Variants in WDR55 observed in about 807,000 individuals in gnomAD.
WDR55 encodes WD repeat-containing protein 55.
Under a neutral mutation model 34.0 loss-of-function variants are expected in WDR55, and 31 were observed. The ratio of observed to expected loss-of-function variants is 0.91; its 90% CI spans 0.69 to 1.23. WDR55 has a LOEUF of 1.23. WDR55 is among the 50% of genes most tolerant of loss of function. The probability of loss-of-function intolerance (pLI) is 0.00; values close to 1 mark genes in which losing one functional copy is unlikely to be tolerated. For missense variants in WDR55, 440 were observed against 494.6 expected (o/e 0.89, Z 1.05); for synonymous variants, 164 against 185.9 (o/e 0.88, Z 0.96).
At position 140,665,032 on chromosome 5, in the gene WDR55, G is replaced by A. The variant is rs779622808; in HGVS notation, c.120G>A (p.Pro40=). 2.5e-6 allele frequency: 4 copies of A among 1,613,860 alleles called. No homozygotes were observed. Among genetic ancestry groups the A allele is most frequent in the East Asian group, 2.2e-5 (1 of 44,858 alleles). ...CGGAAGACATCGTGCTGGAAGCTCCGGCTAGTGGGCTGGCGTTCCATCCGG... is the reference window on the plus strand; with the variant it reads ...CGGAAGACATCGTGCTGGAAGCTCCAGCTAGTGGGCTGGCGTTCCATCCGG... ...DTPEDIVLEA[P]ASGLAFHPAR... is the part of the protein sequence containing the mutation. Residue 40 remains proline, a synonymous_variant, in exon 1 of 7, where the codon CCG becomes CCA. Coordinates refer to ENST00000358337, the MANE Select transcript of WDR55 (RefSeq NM_017706.5).
rs1472234907 is a variant in WDR55 at position 140,669,653 on chromosome 5, G to A, written c.1151G>A (p.Ter384=). ...EKEETGDDSD[*] Reference sequence around the variant, plus strand: ...GAGGAGACTGGGGATGACAGTGACTGAAGGAATGAATTGAATCTTGAGACG... The same window carrying A: ...GAGGAGACTGGGGATGACAGTGACTAAAGGAATGAATTGAATCTTGAGACG... Residue 384 remains the stop codon, a stop_retained_variant, in exon 7 of 7, where the codon TGA becomes TAA. Coordinates refer to ENST00000358337, the MANE Select transcript of WDR55 (RefSeq NM_017706.5). 1 of 1,611,066 alleles carries A rather than the reference G, an allele frequency of 6.2e-7. No homozygotes were observed.
chr5:140,664,958 G>A lies in WDR55; in HGVS notation c.46G>A (p.Glu16Lys), dbSNP rs1428562499. The change falls in exon 1 of 7, where the codon GAG becomes AAG. Residue 16 changes from glutamate (E) to lysine (K), a missense_variant. By Grantham distance (56) the Glu-to-Lys change is moderately conservative. Transcript: ENST00000358337. ...EERPAEDGSD[E>K]EDPDSMEAPT... ...GAGGCCCGCTGAGGATGGGAGCGAC[G>A]AGGAGGACCCAGACTCCATGGAAGC... 1.2e-6 allele frequency: 2 copies of A among 1,612,610 alleles called. No homozygotes were observed. Among genetic ancestry groups the A allele is most frequent in the East Asian group, 2.2e-5 (1 of 44,788 alleles).
At position 140,669,072 on chromosome 5, in the gene WDR55, C is replaced by T. The variant is rs1256382543; in HGVS notation, c.661-7C>T. Reference sequence around the variant, plus strand: ...GCTTCCACATTGTTTTCTCTATTTCCCTGCAGTGGGGGAAGAAGGTAGCCT... The same window carrying T: ...GCTTCCACATTGTTTTCTCTATTTCTCTGCAGTGGGGGAAGAAGGTAGCCT... On this transcript the variant is annotated splice_region_variant and splice_polypyrimidine_tract_variant and intron_variant, in intron 5 of 6. Coordinates refer to ENST00000358337, the MANE Select transcript of WDR55 (RefSeq NM_017706.5). The T allele has an allele frequency of 1.2e-6, 2 of 1,614,110 alleles. No individual in the cohort carries two copies. The highest frequency in any genetic ancestry group is 1.7e-6 in the Non-Finnish European group (2 of 1,180,006).
Position 140,669,209 on chromosome 5 carries a change from A to G in WDR55, c.791A>G (p.Glu264Gly), listed in dbSNP as rs764929975. Residue 264 changes from glutamate (E) to glycine (G), a missense_variant, in exon 6 of 7, where the codon GAG (glutamate) becomes GGG (glycine). Transcript: ENST00000358337. ...ESIDCMVPVT[E>G]SLLCTGSTDG... Reference sequence around the variant, plus strand: ...ATCGACTGCATGGTTCCAGTCACCGAGAGTCTGCTGTGTACTGGCTCCACT... The same window carrying G: ...ATCGACTGCATGGTTCCAGTCACCGGGAGTCTGCTGTGTACTGGCTCCACT... 6.8e-6 allele frequency: 11 copies of G among 1,613,596 alleles called. No individual in the cohort carries two copies. Among genetic ancestry groups the G allele is most frequent in the Admixed American group, 1.7e-5 (1 of 59,992 alleles).
At chr5:140,665,466 C>A (rs1401755809) in intron 1 of WDR55, among the ~76,000 whole-genome samples, 1 of 152,132 alleles carries the variant, frequency 6.6e-6, no homozygotes, top group African/African-American at 2.4e-5. Context: ...TCAAGCAGTT[C>A]TCTTCCTCAG....
At position 140,671,440 on chromosome 5, in the gene WDR55, G is replaced by A; in HGVS notation, c.*1786G>A. On this transcript the variant is annotated 3_prime_UTR_variant, in exon 7 of 7. Transcript: ENST00000358337. ...GGCCATCTAGGGTCAGCACAACCCA[G>A]ATGAGGCCGCTGAAGGGCACCGGAT... is the stretch of plus-strand genomic sequence containing the variant. 1 of 1,611,762 alleles carries A rather than the reference G, an allele frequency of 6.2e-7. No homozygotes were observed. Among genetic ancestry groups the A allele is most frequent in the South Asian group, 1.1e-5 (1 of 90,980 alleles).
chr5:140,672,317 C>A lies in WDR55; in HGVS notation c.*2663C>A. On this transcript the variant is annotated 3_prime_UTR_variant, in exon 7 of 7. Coordinates refer to ENST00000358337, the MANE Select transcript of WDR55 (RefSeq NM_017706.5). ...ATTGGAAGTTTTAAAAATCTGAGAT[C>A]AAATAGTAAAAGGTTGCAAATTCTG... The A allele has an allele frequency of 9.7e-7, 1 of 1,028,860 alleles. No homozygotes were observed. The highest frequency in any genetic ancestry group is 1.4e-6 in the Non-Finnish European group (1 of 709,780). 63.7% of individuals were successfully genotyped at this position (1,028,860 alleles called of 1,614,324 possible).
rs1215872366 is a variant in WDR55 at position 140,668,614 on chromosome 5, C to T, written c.383C>T (p.Ala128Val). The change falls in exon 4 of 7, where the codon GCC becomes GTC. Residue 128 changes from alanine to valine, a missense_variant and splice_region_variant. By Grantham distance (64) the Ala-to-Val change is moderately conservative (BLOSUM62 0). Transcript: ENST00000358337. ...AAGTTCTACATCTGTGTCTCTAGTG[C>T]CCCCATCAATAGTCTTCTGCTGGTG... ...LERRVSKAHG[A>V]PINSLLLVDE... 1 of 1,612,752 alleles carries T rather than the reference C, an allele frequency of 6.2e-7. No homozygotes were observed. Among genetic ancestry groups the T allele is most frequent in the Non-Finnish European group, 8.5e-7 (1 of 1,179,218 alleles).
Position 140,669,335 on chromosome 5 carries a change from C to T in WDR55, c.833C>T (p.Ala278Val), listed in dbSNP as rs776002489. The change falls in exon 7 of 7, where the codon GCT becomes GTT. Residue 278 changes from alanine to valine, a missense_variant and splice_region_variant. Ala to Val is a moderately conservative substitution (Grantham distance 64). Coordinates refer to ENST00000358337, the MANE Select transcript of WDR55 (RefSeq NM_017706.5). ...CTGSTDGVIR[A>V]VNILPNRVVG... ...AACACTGTTCTTTCCCTGCCCAGGGCTGTGAACATCCTACCGAACCGAGTG... is the reference window on the plus strand; with the variant it reads ...AACACTGTTCTTTCCCTGCCCAGGGTTGTGAACATCCTACCGAACCGAGTG... 109 of 1,610,398 alleles carry T rather than the reference C, an allele frequency of 6.8e-5. No individual in the cohort carries two copies. In the East Asian group the frequency reaches 2.4e-3, roughly 36 times the overall value.
chr5:140,666,740 T>G, intron 1 of WDR55: 1 of 985,220 alleles, frequency 1.0e-6, no homozygotes, highest in Non-Finnish European at 1.2e-6. Flanking sequence ...TTTATTCTAT[T>G]ATTGTGTACA....
Position 140,671,082 on chromosome 5 carries a change from C to T in WDR55, c.*1428C>T, listed in dbSNP as rs57919623. The T allele has an allele frequency of 3.8e-3, 2,471 of 642,468 alleles. 39 individuals are homozygous for T. In the African/African-American group the frequency reaches 0.041, roughly 11 times the overall value. 39.8% of individuals were successfully genotyped at this position (642,468 alleles called of 1,614,324 possible). A position where few individuals can be genotyped will look rare whatever the true frequency, so the allele number is the denominator to read the frequency against. On this transcript the variant is annotated 3_prime_UTR_variant, in exon 7 of 7. Transcript: ENST00000358337. ...GTCAGGTTGGACCCTGGGCTGGGAG[C>T]GGGAGGGCAAGGCCCCTCACCACAA...
chr5:140,671,182 A>T lies in WDR55; in HGVS notation c.*1528A>T, dbSNP rs1468556804. ...CAGGGAGGCTGATGGGCCTGGGCCC[A>T]TGCCCCTCCCCACCTTTGGGGGTCA... On this transcript the variant is annotated 3_prime_UTR_variant, in exon 7 of 7. Coordinates refer to ENST00000358337, the MANE Select transcript of WDR55 (RefSeq NM_017706.5). The T allele has an allele frequency of 1.4e-6, 2 of 1,408,774 alleles. No homozygotes were observed. Among genetic ancestry groups the T allele is most frequent in the Non-Finnish European group, 2.0e-6 (2 of 1,002,784 alleles). 87.3% of individuals were successfully genotyped at this position (1,408,774 alleles called of 1,614,324 possible). A position where few individuals can be genotyped will look rare whatever the true frequency, so the allele number is the denominator to read the frequency against.
At chr5:140,668,156 CTCTG>C (rs1757966912) in intron 1 of WDR55, 74 bp from the exon 2 acceptor site, 1 of 1,466,610 alleles carries the variant, frequency 6.8e-7, no homozygotes, top group East Asian at 2.3e-5. Context: ...GGGAAGGCTG[CTCTG>C]TCTAGTTGGT....
chr5:140,669,682 C>G lies in WDR55; in HGVS notation c.*28C>G. 6.3e-7 allele frequency: 1 copy of G among 1,587,638 alleles called. No homozygotes were observed. Among genetic ancestry groups the G allele is most frequent in the Non-Finnish European group, 8.6e-7 (1 of 1,163,376 alleles). ...GAATGAATTGAATCTTGAGACGGGTCCTCACCAGGCAAGAGTCTTGCTTAT... is the reference window on the plus strand; with the variant it reads ...GAATGAATTGAATCTTGAGACGGGTGCTCACCAGGCAAGAGTCTTGCTTAT... On this transcript the variant is annotated 3_prime_UTR_variant, in exon 7 of 7. Transcript: ENST00000358337.
chr5:140,665,124 G>T lies in WDR55; in HGVS notation c.191+21G>T, dbSNP rs764722103. The stretch of plus-strand genomic sequence containing the variant: ...TTCGTGTGAGAGCGGGGCAGGGCCG[G>T]GGCGCCGGGTCTGGAAGCTTCCCGG... On this transcript the variant is annotated intron_variant, in intron 1 of 6. Transcript: ENST00000358337. The T allele has an allele frequency of 1.6e-5, 25 of 1,556,086 alleles. No homozygotes were observed. In the Admixed American group the frequency reaches 4.7e-4, roughly 29 times the overall value.
In WDR55 at chr5:140,671,349, C is replaced by T. The variant is rs770894107; in HGVS notation, c.*1695C>T. 9 of 1,612,858 alleles carry T rather than the reference C, an allele frequency of 5.6e-6. No homozygotes were observed. Among genetic ancestry groups the T allele is most frequent in the Middle Eastern group, 1.7e-4 (1 of 5,936 alleles). ...CCAGCAGACCACAGGAGGTTGGCCC[C>T]AGACTCACTGAGTGCCTGCAGCAGC... On this transcript the variant is annotated 3_prime_UTR_variant, in exon 7 of 7. Transcript: ENST00000358337.
At chr5:140,668,195 T>G in intron 1 of WDR55, 39 bp from the exon 2 acceptor site, 1 of 1,548,702 alleles carries the variant, frequency 6.5e-7, no homozygotes, top group Non-Finnish European at 8.7e-7. Context: ...CAACCCAGGC[T>G]GGGTCTGGAG....
At position 140,668,677 on chromosome 5, in the gene WDR55, G is replaced by T. The variant is rs1333425882; in HGVS notation, c.446G>T (p.Gly149Val). Reference protein sequence around the residue: ...NVLATGDDTGGICLWDQRKEG... With the variant: ...NVLATGDDTGVICLWDQRKEG... ...CTGGCCACTGGGGATGACACAGGTG[G>T]TATCTGTCTCTGGGACCAGCGGAAG... The change falls in exon 4 of 7, where the codon GGT (glycine) becomes GTT (valine). Residue 149 changes from glycine to valine, a missense_variant. Transcript: ENST00000358337. 1 of 1,614,180 alleles carries T rather than the reference G, an allele frequency of 6.2e-7. No individual in the cohort carries two copies. The highest frequency in any genetic ancestry group is 8.5e-7 in the Non-Finnish European group (1 of 1,180,022).
intron 1 of WDR55, among the ~76,000 whole-genome samples, chr5:140,665,742 CT>C (rs1268424375): frequency 6.6e-6 from 1 of 152,194 alleles, no homozygotes; most frequent in Non-Finnish European, 1.5e-5. Context: ...TGGCTCACGC[CT>C]GTAATACCCG....
Sources: gnomAD v4.1 joint callset for allele counts (sites outside exome capture counted in the v4.1 genomes callset) on GRCh38, gnomAD v4.1.1 for gene constraint, MANE v1.5 for transcripts, NCBI Gene and HGNC (gene_info 2026-07-23, HGNC 2026-07-21) for gene names.